Variants in DAPK1 observed in about 807,000 individuals in gnomAD.
DAPK1 encodes death-associated protein kinase 1.
Under a neutral mutation model 144.9 loss-of-function variants are expected in DAPK1, and 56 were observed. That is an observed-to-expected ratio of 0.39 (90% CI 0.31 to 0.48). The LOEUF (loss-of-function observed/expected upper bound fraction) is 0.48, where lower values mean the gene tolerates loss of function less well. Ranked by LOEUF, DAPK1 falls within the 20% of genes least tolerant of loss-of-function variation. The pLI is 0.95. For missense variants in DAPK1, 1,454 were observed against 1,875.4 expected (o/e 0.78, Z 4.15); for synonymous variants, 690 against 749.0 (o/e 0.92, Z 1.29).
At chr9:87,644,087 T>C (rs1830186829) in intron 11 of DAPK1, among the ~76,000 whole-genome samples, 1 of 152,184 alleles carries the variant, frequency 6.6e-6, no homozygotes, top group Non-Finnish European at 1.5e-5. Context: ...TTTCTTAGTT[T>C]TAATGTGAAC....
chr9:87,668,501 A>G (rs554228802), intron 18 of DAPK1, 96 bp from the exon 19 acceptor site: 18 of 823,092 alleles, frequency 2.2e-5, no homozygotes, highest in Middle Eastern at 2.2e-4. Flanking sequence ...CACACCTGCT[A>G]TGCTTGTTTC....
intron 2 of DAPK1, among the ~76,000 whole-genome samples, chr9:87,527,065 G>A (rs749607918): frequency 2.6e-5 from 4 of 152,228 alleles, no homozygotes; most frequent in Non-Finnish European, 5.9e-5. Context: ...AAGGACCCAT[G>A]ACATTGTTAA....
chr9:87,619,943 C>T (rs1829229568), intron 3 of DAPK1, among the ~76,000 whole-genome samples: 1 of 152,232 alleles, frequency 6.6e-6, no homozygotes, highest in African/African-American at 2.4e-5. Flanking sequence ...AATCCTAAGT[C>T]TCCTTTACCC....
At chr9:87,606,605 C>T (rs1828728992) in intron 3 of DAPK1, among the ~76,000 whole-genome samples, 2 of 119,908 alleles carry the variant, frequency 1.7e-5, no homozygotes, top group Admixed American at 8.4e-5. Context: ...TCCTCCCTCC[C>T]TCCCTCCCTC....
intron 3 of DAPK1, among the ~76,000 whole-genome samples, chr9:87,615,130 G>A (rs561043418): frequency 6.6e-6 from 1 of 152,268 alleles, no homozygotes; most frequent in South Asian, 2.1e-4. Flanking sequence ...TCTGCCTCAC[G>A]TCCTTGCAAA....
At chr9:87,562,132 G>A (rs1826949902) in intron 2 of DAPK1, among the ~76,000 whole-genome samples, 1 of 152,192 alleles carries the variant, frequency 6.6e-6, no homozygotes, top group Admixed American at 6.5e-5. Flanking sequence ...CAGGCCTCCT[G>A]CAGTTCTGTA....
intron 19 of DAPK1, among the ~76,000 whole-genome samples, chr9:87,676,669 C>T (rs930178315): frequency 6.6e-6 from 1 of 152,222 alleles, no homozygotes. Flanking sequence ...GGTGAGTGGG[C>T]ACATCTTGGC....
chr9:87,516,004 C>T (rs1041598788), intron 2 of DAPK1, among the ~76,000 whole-genome samples: 4 of 152,150 alleles, frequency 2.6e-5, no homozygotes, highest in Admixed American at 2.0e-4. Flanking sequence ...GCTGAATCCC[C>T]AGGGAGAACA....
intron 21 of DAPK1, among the ~76,000 whole-genome samples, chr9:87,689,886 A>C (rs1268589278): frequency 6.6e-6 from 1 of 152,176 alleles, no homozygotes; most frequent in Non-Finnish European, 1.5e-5. Flanking sequence ...TATCAATACC[A>C]TGCTGTTTTG....
At chr9:87,640,873 T>C in intron 9 of DAPK1, 26 bp downstream of exon 9, 4 of 1,611,224 alleles carry the variant, frequency 2.5e-6, no homozygotes, top group Non-Finnish European at 3.4e-6. Context: ...CGAAACTGTT[T>C]AGATCACTTT....
chr9:87,588,669 ATTTC>A (rs1490497953), intron 2 of DAPK1, among the ~76,000 whole-genome samples: 2 of 152,148 alleles, frequency 1.3e-5, no homozygotes, highest in African/African-American at 4.8e-5. Flanking sequence ...CATAAAATAT[ATTTC>A]CAAATAGAGA....
At chr9:87,656,001 A>G (rs1830615850) in intron 17 of DAPK1, among the ~76,000 whole-genome samples, 1 of 152,240 alleles carries the variant, frequency 6.6e-6, no homozygotes, top group Non-Finnish European at 1.5e-5. Context: ...AGACACACTC[A>G]AATTCAGATG....
At chr9:87,526,979 T>C (rs1825535683) in intron 2 of DAPK1, among the ~76,000 whole-genome samples, 1 of 152,132 alleles carries the variant, frequency 6.6e-6, no homozygotes, top group South Asian at 2.1e-4. Flanking sequence ...CCATTAGCAG[T>C]GGGGGCCAAG....
At chr9:87,597,249 G>A (rs1420519465) in intron 2 of DAPK1, among the ~76,000 whole-genome samples, 1 of 152,182 alleles carries the variant, frequency 6.6e-6, no homozygotes, top group African/African-American at 2.4e-5. Context: ...TAGAAAGACA[G>A]CTGAATCCAT....
intron 21 of DAPK1, among the ~76,000 whole-genome samples, chr9:87,694,353 G>C (rs1825182310): frequency 6.6e-6 from 1 of 152,180 alleles, no homozygotes; most frequent in South Asian, 2.1e-4. Context: ...GACTGGGCTA[G>C]GTGATCCCCA....
chr9:87,680,360 CT>C (rs1458418862), intron 19 of DAPK1, among the ~76,000 whole-genome samples: 4 of 152,232 alleles, frequency 2.6e-5, no homozygotes, highest in African/African-American at 9.6e-5. Flanking sequence ...GTGCCTCAGC[CT>C]CCCAAAGTGC....
At chr9:87,560,388 C>A (rs529940988) in intron 2 of DAPK1, among the ~76,000 whole-genome samples, 1 of 152,146 alleles carries the variant, frequency 6.6e-6, no homozygotes, top group Admixed American at 6.5e-5. Context: ...CATTTTAAAG[C>A]GTGCAACTGA....
At chr9:87,533,610 A>G (rs1018246003) in intron 2 of DAPK1, among the ~76,000 whole-genome samples, 4 of 152,216 alleles carry the variant, frequency 2.6e-5, no homozygotes, top group Non-Finnish European at 5.9e-5. Context: ...GAAATTTTTT[A>G]TGATAGGAAC....
intron 19 of DAPK1, chr9:87,668,962 G>C (rs571759790): frequency 2.0e-4 from 63 of 314,404 alleles, no homozygotes; most frequent in Non-Finnish European, 3.4e-4. Flanking sequence ...AAAGTAGCGG[G>C]GGATGAGGAC....
Sources: allele counts gnomAD v4.1 joint callset (sites outside exome capture counted in the v4.1 genomes callset), GRCh38; gene constraint gnomAD v4.1.1; transcripts MANE v1.5; gene names NCBI Gene and HGNC (gene_info 2026-07-23, HGNC 2026-07-21).